IL21R: variants seen among roughly 807,000 people sequenced by gnomAD.
IL21R encodes interleukin 21 receptor, also known as interleukin-21 receptor.
IL21R carries 14 observed loss-of-function variants against 41.3 expected under a neutral mutation model. The ratio of observed to expected loss-of-function variants is 0.34; its 90% CI spans 0.22 to 0.53. IL21R has a LOEUF of 0.53. Among genes scored for constraint, IL21R ranks in the 20% least tolerant of loss-of-function variants. The probability of loss-of-function intolerance (pLI) is 0.94; values close to 1 mark genes in which losing one functional copy is unlikely to be tolerated. For missense variants in IL21R, 588 were observed against 681.6 expected (o/e 0.86, Z 1.53); for synonymous variants, 286 against 287.6 (o/e 0.99, Z 0.05).
chr16:27,440,591 T>C (rs1162648251), intron 4 of IL21R, among the ~76,000 whole-genome samples: 1 of 152,132 alleles, frequency 6.6e-6, no homozygotes, highest in African/African-American at 2.4e-5. Flanking sequence ...CAAATATTTA[T>C]TGAGGGCCTA....
intron 2 of IL21R, among the ~76,000 whole-genome samples, chr16:27,430,846 CA>C (rs1314543019): frequency 6.6e-6 from 1 of 152,048 alleles, no homozygotes; most frequent in Non-Finnish European, 1.5e-5. Flanking sequence ...AATAAACAAA[CA>C]AAAAAATCGC....
chr16:27,403,736 A>G (rs185131677), intron 1 of IL21R, among the ~76,000 whole-genome samples: 24 of 152,262 alleles, frequency 1.6e-4, no homozygotes, highest in African/African-American at 5.1e-4. Flanking sequence ...CTTTGAGCCC[A>G]TGGAGACGGG....
chr16:27,439,916 CG>C (rs1338886387), intron 4 of IL21R, among the ~76,000 whole-genome samples: 2 of 152,128 alleles, frequency 1.3e-5, no homozygotes. Flanking sequence ...CGAGTACCCA[CG>C]GGGCAGTTCT....
chr16:27,447,938 TCTGA>T (rs2087512235), intron 8 of IL21R: 1 of 152,454 alleles, frequency 6.6e-6, no homozygotes, highest in African/African-American at 2.4e-5. Flanking sequence ...CCACCAGTTG[TCTGA>T]CTGGTCACAC....
chr16:27,441,810 A>T (rs541719625), intron 4 of IL21R, among the ~76,000 whole-genome samples: 44 of 152,094 alleles, frequency 2.9e-4, no homozygotes, highest in African/African-American at 9.9e-4. Context: ...GGAGTTTGAG[A>T]CCAGCCTGGG....
chr16:27,409,583 T>C (rs1030763001), intron 1 of IL21R, among the ~76,000 whole-genome samples: 1 of 147,058 alleles, frequency 6.8e-6, no homozygotes, highest in Non-Finnish European at 1.5e-5. Flanking sequence ...TTTTTCCATA[T>C]GAATATTCAA....
intron 1 of IL21R, among the ~76,000 whole-genome samples, chr16:27,425,306 G>A (rs2141277877): frequency 6.6e-6 from 1 of 152,356 alleles, no homozygotes; most frequent in South Asian, 2.1e-4. Context: ...GGGCAGAGAA[G>A]GCAGTGGAAT....
intron 1 of IL21R, among the ~76,000 whole-genome samples, chr16:27,425,051 G>A (rs772149556): frequency 1.9e-4 from 29 of 152,096 alleles, no homozygotes; most frequent in Non-Finnish European, 3.7e-4. Flanking sequence ...TGAGAAATCC[G>A]CCCCCATGAT....
chr16:27,438,985 A>C (rs761781859), intron 4 of IL21R, among the ~76,000 whole-genome samples: 2 of 152,084 alleles, frequency 1.3e-5, no homozygotes, highest in Non-Finnish European at 2.9e-5. Flanking sequence ...CCCCAGAGGC[A>C]AACACAGGCT....
chr16:27,446,928 G>A (rs1409500206), intron 8 of IL21R, among the ~76,000 whole-genome samples: 1 of 152,198 alleles, frequency 6.6e-6, no homozygotes, highest in African/African-American at 2.4e-5. Flanking sequence ...AGGTGGGAGG[G>A]CCAGCCCCAC....
chr16:27,450,412 G>A lies in IL21R; in HGVS notation c.*1129G>A, dbSNP rs948504573. ...GCAGTGTGCTCCGGCCACACATCCT[G>A]CTGGGCCCCCTACCCTGCCCCAATT... is the stretch of plus-strand genomic sequence containing the variant. On this transcript the variant is annotated 3_prime_UTR_variant, in exon 9 of 9. Coordinates refer to ENST00000337929, the MANE Select transcript of IL21R (RefSeq NM_181078.3). The A allele has an allele frequency of 8.6e-6, 2 of 231,328 alleles. No homozygotes were observed. Among genetic ancestry groups the A allele is most frequent in the Non-Finnish European group, 1.7e-5 (2 of 116,938 alleles). The allele number at this position is 231,328 out of a possible 1,614,324, so 14.3% of individuals were successfully genotyped here. A position where few individuals can be genotyped will look rare whatever the true frequency, so the allele number is the denominator to read the frequency against.
chr16:27,442,260 G>A (rs1030617080), intron 4 of IL21R, among the ~76,000 whole-genome samples: 61 of 152,290 alleles, frequency 4.0e-4, no homozygotes, highest in African/African-American at 1.3e-3. Flanking sequence ...ATGTGTTTGT[G>A]TATGCGTGTG....
intron 1 of IL21R, among the ~76,000 whole-genome samples, chr16:27,418,585 T>G (rs923038376): frequency 6.6e-6 from 1 of 152,102 alleles, no homozygotes; most frequent in African/African-American, 2.4e-5. Context: ...TTAGCCAGGA[T>G]AGTCTTGATC....
chr16:27,437,652 C>T lies in IL21R; in HGVS notation c.317C>T (p.Ser106Phe), dbSNP rs369715191. ...VNITDQSGNYSQECGSFLLAE... is the reference protein window; with the variant it reads ...VNITDQSGNYFQECGSFLLAE... ...ATCACAGACCAGTCTGGCAACTACT[C>T]CCAGGAGTGTGGCAGCTTTCTCCTG... The change falls in exon 4 of 9, where the codon TCC (serine) becomes TTC (phenylalanine). Residue 106 changes from serine to phenylalanine, a missense_variant. Physicochemically the swap from Ser to Phe is radical, Grantham distance 155. Coordinates refer to ENST00000337929, the MANE Select transcript of IL21R (RefSeq NM_181078.3). 1 of 1,614,074 alleles carries T rather than the reference C, an allele frequency of 6.2e-7. No homozygotes were observed. The highest frequency in any genetic ancestry group is 1.3e-5 in the African/African-American group (1 of 74,946).
rs1359524726 is a variant in IL21R at position 27,434,404 on chromosome 16, T to A, written c.107T>A (p.Ile36Asn). ...GATTACCTCCAGACGGTCATCTGCA[T>A]CCTGGAAATGTGGAACCTCCACCCC... ...YTDYLQTVICILEMWNLHPST... is the reference protein window; with the variant it reads ...YTDYLQTVICNLEMWNLHPST... Residue 36 changes from isoleucine (I) to asparagine (N), a missense_variant, in exon 3 of 9, where the codon ATC (isoleucine) becomes AAC (asparagine). Transcript: ENST00000337929. 1 of 1,614,048 alleles carries A rather than the reference T, an allele frequency of 6.2e-7. No homozygotes were observed. Among genetic ancestry groups the A allele is most frequent in the Non-Finnish European group, 8.5e-7 (1 of 1,179,970 alleles).
At position 27,449,081 on chromosome 16, in the gene IL21R, G is replaced by T. The variant is rs1399898216; in HGVS notation, c.1415G>T (p.Gly472Val). The T allele has an allele frequency of 6.2e-7, 1 of 1,613,384 alleles. No individual in the cohort carries two copies. Among genetic ancestry groups the T allele is most frequent in the Non-Finnish European group, 8.5e-7 (1 of 1,179,944 alleles). ...GLPWGGRSPG[G>V]VSESEAGSPL... ...CCCTGGGGTGGCCGGTCACCTGGAG[G>T]GGTCTCAGAGAGTGAGGCGGGCTCA... The change falls in exon 9 of 9, where the codon GGG becomes GTG. Residue 472 changes from glycine (G) to valine (V), a missense_variant. Gly to Val is a moderately radical substitution (Grantham distance 109). Coordinates refer to ENST00000337929, the MANE Select transcript of IL21R (RefSeq NM_181078.3).
chr16:27,422,503 A>G (rs1465178902), intron 1 of IL21R, among the ~76,000 whole-genome samples: 1 of 151,672 alleles, frequency 6.6e-6, no homozygotes, highest in Non-Finnish European at 1.5e-5. Flanking sequence ...CAATCTTGGT[A>G]TTTTCTATTG....
At chr16:27,442,727 G>T in intron 4 of IL21R, 1 of 364,846 alleles carries the variant, frequency 2.7e-6, no homozygotes. Context: ...GCCCGCCCCT[G>T]AGTTTGCAAT....
At chr16:27,407,379 C>A (rs1331344182) in intron 1 of IL21R, among the ~76,000 whole-genome samples, 1 of 152,124 alleles carries the variant, frequency 6.6e-6, no homozygotes, top group African/African-American at 2.4e-5. Flanking sequence ...GTGGCGTAGA[C>A]CCAGTTCAGA....
Sources: gnomAD v4.1 joint callset for allele counts (sites outside exome capture counted in the v4.1 genomes callset) on GRCh38, gnomAD v4.1.1 for gene constraint, MANE v1.5 for transcripts, NCBI Gene and HGNC (gene_info 2026-07-23, HGNC 2026-07-21) for gene names.